Variants in WSCD2 observed in about 807,000 individuals in gnomAD.
The protein encoded by WSCD2 is WSC domain sialate O sulfotransferase 2, also known as sialate:O-sulfotransferase 2.
In WSCD2, 28 loss-of-function variants were observed where a neutral mutation model predicts 55.7. The observed-to-expected ratio is 0.50, with a 90% CI of 0.37 to 0.69. The LOEUF (loss-of-function observed/expected upper bound fraction) is 0.69. WSCD2 is among the 30% of genes least tolerant of loss of function. The pLI, the probability that WSCD2 is intolerant of heterozygous loss-of-function variation, is 0.00. For synonymous variants in WSCD2, 301 were observed against 301.9 expected, an observed-to-expected ratio of 1.00 and a Z score of 0.03; for missense variants, 616 against 762.1, an observed-to-expected ratio of 0.81 and a Z score of 2.26.
At chr12:108,145,962 G>A (rs945597383) in intron 1 of WSCD2, among the ~76,000 whole-genome samples, 1 of 152,182 alleles carries the variant, frequency 6.6e-6, no homozygotes, top group African/African-American at 2.4e-5. Flanking sequence ...TGCTTTGGTG[G>A]AAACATAAAA....
At chr12:108,245,801 A>G (rs1227970865) in intron 8 of WSCD2, among the ~76,000 whole-genome samples, 4 of 152,250 alleles carry the variant, frequency 2.6e-5, no homozygotes, top group African/African-American at 4.8e-5. Flanking sequence ...TTAACCCATT[A>G]TAACAGTACG....
intron 2 of WSCD2, among the ~76,000 whole-genome samples, chr12:108,204,443 A>G (rs1466132744): frequency 6.6e-6 from 1 of 151,488 alleles, no homozygotes; most frequent in Non-Finnish European, 1.5e-5. Flanking sequence ...ATCTTTAGAC[A>G]CTCAGTCCTC....
intron 1 of WSCD2, among the ~76,000 whole-genome samples, chr12:108,130,338 G>A (rs1208034336): frequency 6.6e-6 from 1 of 152,188 alleles, no homozygotes; most frequent in East Asian, 1.9e-4. Flanking sequence ...ATATTTCCAA[G>A]TTGGCTGTAG....
chr12:108,248,357 G>C lies in WSCD2; in HGVS notation c.*14G>C, dbSNP rs140259524. 1.9e-5 allele frequency: 31 copies of C among 1,600,898 alleles called. No homozygotes were observed. The highest frequency in any genetic ancestry group is 5.4e-5 in the African/African-American group (4 of 74,652). ...TACCCAAGATGATGCGTCCACACAG[G>C]GGGAGGGTAGACTGGGAGTCCTGAC... is the stretch of plus-strand genomic sequence containing the variant. On this transcript the variant is annotated 3_prime_UTR_variant, in exon 9 of 9. Coordinates refer to ENST00000547525, the MANE Select transcript of WSCD2 (RefSeq NM_014653.4). This position sits in a 1 kb window ranked among gnomAD's most constrained non-coding sequence, Gnocchi z 4.3.
intron 4 of WSCD2, among the ~76,000 whole-genome samples, chr12:108,220,661 C>T (rs1002312810): frequency 3.9e-5 from 6 of 152,112 alleles, no homozygotes; most frequent in African/African-American, 1.4e-4. Flanking sequence ...TCCTGAGTAG[C>T]TGGGACTACA....
chr12:108,192,847 G>A, intron 1 of WSCD2, among the ~76,000 whole-genome samples: 1 of 151,980 alleles, frequency 6.6e-6, no homozygotes, highest in Non-Finnish European at 1.5e-5. Context: ...ACTTCCCTGG[G>A]CTCCCACATT....
At chr12:108,224,897 G>A (rs775434638) in intron 5 of WSCD2, 37 bp downstream of exon 5, 30 of 1,605,710 alleles carry the variant, frequency 1.9e-5, no homozygotes, top group Non-Finnish European at 2.5e-5. Context: ...CTCAGGGGGA[G>A]GGAACCATGC....
chr12:108,205,731 T>G (rs899649571), intron 2 of WSCD2, among the ~76,000 whole-genome samples: 1 of 152,218 alleles, frequency 6.6e-6, no homozygotes, highest in South Asian at 2.1e-4. Context: ...ATCATTCTAT[T>G]TTAACCTCAC....
intron 2 of WSCD2, among the ~76,000 whole-genome samples, chr12:108,200,434 C>T (rs966444618): frequency 6.6e-6 from 1 of 152,190 alleles, no homozygotes; most frequent in Non-Finnish European, 1.5e-5. Context: ...TGGACTTATA[C>T]TATTTCTTTC....
chr12:108,165,298 G>A (rs1164410278), intron 1 of WSCD2, among the ~76,000 whole-genome samples: 1 of 152,220 alleles, frequency 6.6e-6, no homozygotes, highest in Non-Finnish European at 1.5e-5. Context: ...TTGGTTCCAA[G>A]GGGAGGATTC....
At chr12:108,193,514 G>A (rs1370898798) in intron 1 of WSCD2, among the ~76,000 whole-genome samples, 3 of 152,206 alleles carry the variant, frequency 2.0e-5, no homozygotes, top group African/African-American at 7.2e-5. Flanking sequence ...TGGATGTATA[G>A]TTGGACAGAT....
Position 108,202,197 on chromosome 12 carries a change from C to G in WSCD2, c.383-4092C>G, listed in dbSNP as rs149448065. Among the ~76,000 whole-genome samples, 47 of 152,220 alleles carry G rather than the reference C, an allele frequency of 3.1e-4. 1 individual carries two copies. The South Asian group carries it at 9.3e-3, about 30-fold the overall frequency. ...GGACAGGGACCATGGTTGTATTGGT[C>G]GCAGCCTGCACCAAAGGTCCGTGGG... is the stretch of plus-strand genomic sequence containing the variant. On this transcript the variant is annotated intron_variant, in intron 2 of 8. Coordinates refer to ENST00000547525, the MANE Select transcript of WSCD2 (RefSeq NM_014653.4).
intron 4 of WSCD2, among the ~76,000 whole-genome samples, chr12:108,220,355 C>G (rs1887348823): frequency 2.0e-5 from 3 of 152,194 alleles, no homozygotes; most frequent in Admixed American, 1.3e-4. Flanking sequence ...GCTGGGTGAC[C>G]TGTATCAAGC....
intron 1 of WSCD2, among the ~76,000 whole-genome samples, chr12:108,166,779 T>TTCTTTCTTTCTTTCTTTCTTTCTTTCTG (rs1469140178): frequency 6.7e-6 from 1 of 148,642 alleles, no homozygotes; most frequent in East Asian, 1.9e-4. Context: ...CTTTCTTTCT[T>TTCTTTCTTTCTTTCTTTCTTTCTTTCTG]TCTTTCTTTC....
intron 5 of WSCD2, among the ~76,000 whole-genome samples, chr12:108,225,136 T>C (rs776861091): frequency 6.6e-6 from 1 of 152,202 alleles, no homozygotes; most frequent in African/African-American, 2.4e-5. Flanking sequence ...CTGATACTGC[T>C]ATGAAGAAAT....
intron 7 of WSCD2, among the ~76,000 whole-genome samples, chr12:108,236,860 T>C (rs1889315554): frequency 6.6e-6 from 1 of 152,066 alleles, no homozygotes; most frequent in South Asian, 2.1e-4. Context: ...TCATCCCCCC[T>C]CTCCCTGCCT....
chr12:108,173,569 T>C (rs981987096), intron 1 of WSCD2, among the ~76,000 whole-genome samples: 1 of 145,658 alleles, frequency 6.9e-6, no homozygotes, highest in Non-Finnish European at 1.5e-5. Flanking sequence ...GCAGCCTTGG[T>C]GGAGGCCAGA....
Position 108,212,564 on chromosome 12 carries a change from C to G in WSCD2, c.682+2259C>G, listed in dbSNP as rs80218945. Among the ~76,000 whole-genome samples, 782 of 151,488 alleles carry G rather than the reference C, an allele frequency of 5.2e-3. 5 individuals carry two copies. The highest frequency in any genetic ancestry group is 0.018 in the African/African-American group (748 of 41,154). On this transcript the variant is annotated intron_variant, in intron 4 of 8. Transcript: ENST00000547525. ...TTCTCTCCCCCACCTTCCTCCCTCTCTCTTCCGCTGTCTCTCCACCCCCAT... is the reference window on the plus strand; with the variant it reads ...TTCTCTCCCCCACCTTCCTCCCTCTGTCTTCCGCTGTCTCTCCACCCCCAT...
rs138100627 is a variant in WSCD2 at position 108,139,128 on chromosome 12, A to G, written c.-552+9202A>G. Among the ~76,000 whole-genome samples, 953 of 152,368 alleles carry G rather than the reference A, an allele frequency of 6.3e-3. 16 individuals are homozygous for G. Among genetic ancestry groups the G allele is most frequent in the African/African-American group, 0.022 (905 of 41,582 alleles). Reference sequence around the variant, plus strand: ...CTGAGCCCCAGAATTCTTGAGTCCCAGACTGAGAAGAGCAGCCTCAGCTTA... The same window carrying G: ...CTGAGCCCCAGAATTCTTGAGTCCCGGACTGAGAAGAGCAGCCTCAGCTTA... On this transcript the variant is annotated intron_variant, in intron 1 of 8. Coordinates refer to ENST00000547525, the MANE Select transcript of WSCD2 (RefSeq NM_014653.4).
Sources: allele counts gnomAD v4.1 joint callset (sites outside exome capture counted in the v4.1 genomes callset), GRCh38; gene constraint gnomAD v4.1.1; non-coding constraint Gnocchi (gnomAD v3.1); transcripts MANE v1.5; gene names NCBI Gene and HGNC (gene_info 2026-07-23, HGNC 2026-07-21).